The following DPP10 variants were observed in gnomAD, a reference collection of about 807,000 sequenced individuals.
The protein encoded by DPP10 is inactive dipeptidyl peptidase 10.
In DPP10, 33 loss-of-function variants were observed where a neutral mutation model predicts 120.9. The ratio of observed to expected loss-of-function variants is 0.27; its 90% CI spans 0.21 to 0.37. DPP10 has a LOEUF of 0.37. DPP10 is among the 10% of genes least tolerant of loss of function. The pLI is 1.00. For missense variants in DPP10, 816 were observed against 942.8 expected, an observed-to-expected ratio of 0.87 and a Z score of 1.76; for synonymous variants, 337 against 326.1, an observed-to-expected ratio of 1.03 and a Z score of -0.36.
chr2:115,344,732 C>A (rs2063626628), intron 3 of DPP10, among the ~76,000 whole-genome samples: 2 of 151,988 alleles, frequency 1.3e-5, no homozygotes, highest in South Asian at 4.2e-4. Context: ...GTTTTTTAAT[C>A]CTTTGAATGT....
rs1326452157 is a variant in DPP10, at chr2:115,617,894, A to G, written c.442-71793A>G. 2.0e-5 allele frequency among the ~76,000 whole-genome samples: 3 copies of G among 152,188 alleles called. No individual in the cohort carries two copies. The East Asian group carries it at 5.8e-4, about 29-fold the overall frequency. ...TCACAATAACTAATAATAAAATAGA[A>G]CTATTGTAACAATATACTGTAATAA... On this transcript the variant is annotated intron_variant, in intron 5 of 25. Coordinates refer to ENST00000410059, the MANE Select transcript of DPP10 (RefSeq NM_020868.6).
At chr2:114,776,852 T>G (rs1248825913) in intron 1 of DPP10, among the ~76,000 whole-genome samples, 2 of 151,958 alleles carry the variant, frequency 1.3e-5, no homozygotes, top group Non-Finnish European at 2.9e-5. Context: ...GCAGTGTGAG[T>G]TTTGAAAAGG....
intron 12 of DPP10, among the ~76,000 whole-genome samples, chr2:115,766,236 A>C (rs1402149909): frequency 1.3e-5 from 2 of 149,898 alleles, no homozygotes; most frequent in Non-Finnish European, 3.0e-5. Context: ...CTCATAATTG[A>C]TGAATAGATG....
chr2:114,612,553 G>A (rs1391982363), intron 1 of DPP10, among the ~76,000 whole-genome samples: 3 of 147,524 alleles, frequency 2.0e-5, no homozygotes, highest in Admixed American at 2.0e-4. Flanking sequence ...TACATGGTCA[G>A]ATGACTGGAG....
intron 1 of DPP10, among the ~76,000 whole-genome samples, chr2:115,146,889 T>C (rs1041005897): frequency 2.0e-5 from 3 of 152,130 alleles, no homozygotes; most frequent in East Asian, 1.9e-4. Context: ...AGACTCCAAA[T>C]GTGCCAGAGA....
At chr2:115,629,264 T>C (rs192458685) in intron 5 of DPP10, among the ~76,000 whole-genome samples, 6 of 152,226 alleles carry the variant, frequency 3.9e-5, no homozygotes, top group East Asian at 3.9e-4. Flanking sequence ...CGAATAGTGC[T>C]GCAATAAACA....
intron 1 of DPP10, among the ~76,000 whole-genome samples, chr2:115,146,873 C>G (rs540832837): frequency 2.2e-4 from 33 of 152,240 alleles, no homozygotes; most frequent in Admixed American, 5.2e-4. Flanking sequence ...AAAGTGGACC[C>G]TCGCCAGACT....
intron 3 of DPP10, among the ~76,000 whole-genome samples, chr2:115,418,503 G>A (rs1468391510): frequency 6.6e-6 from 1 of 152,094 alleles, no homozygotes; most frequent in Admixed American, 6.5e-5. Flanking sequence ...AGGTACATTG[G>A]CTCACATCTG....
chr2:115,440,772 C>T (rs1423126334), intron 3 of DPP10: 2 of 152,210 alleles, frequency 1.3e-5, no homozygotes, highest in African/African-American at 4.8e-5. Flanking sequence ...AGGTGCAAGG[C>T]TCTAAATCTT....
chr2:115,474,079 A>G (rs1037015428), intron 3 of DPP10, among the ~76,000 whole-genome samples: 2 of 152,196 alleles, frequency 1.3e-5, no homozygotes, highest in Non-Finnish European at 2.9e-5. Context: ...TCCTGTCAAT[A>G]TCTAACAATC....
At chr2:114,462,713 C>G (rs911711635) in intron 1 of DPP10, among the ~76,000 whole-genome samples, 2 of 152,186 alleles carry the variant, frequency 1.3e-5, no homozygotes, top group East Asian at 3.9e-4. Flanking sequence ...CCCCCTGCTT[C>G]GCACACCATA....
intron 1 of DPP10, among the ~76,000 whole-genome samples, chr2:114,987,897 G>A (rs1055872604): frequency 6.9e-6 from 1 of 144,598 alleles, no homozygotes; most frequent in Admixed American, 7.3e-5. Context: ...TCCGCCTCCC[G>A]GGTTCACACC....
chr2:114,946,867 A>G (rs1478756958), intron 1 of DPP10, among the ~76,000 whole-genome samples: 1 of 152,030 alleles, frequency 6.6e-6, no homozygotes, highest in African/African-American at 2.4e-5. Context: ...AATTGGCATT[A>G]TTCTTCCTTT....
chr2:115,783,745 G>A (rs1175569905), intron 17 of DPP10, among the ~76,000 whole-genome samples: 6 of 151,948 alleles, frequency 3.9e-5, no homozygotes, highest in South Asian at 2.1e-4. Context: ...TAGACAGTAC[G>A]GTTGATAAAA....
At chr2:115,761,780 C>T (rs1680139269) in intron 11 of DPP10, among the ~76,000 whole-genome samples, 1 of 151,786 alleles carries the variant, frequency 6.6e-6, no homozygotes, top group Non-Finnish European at 1.5e-5. Flanking sequence ...TATTTAAAAA[C>T]ATATAAATAA....
At chr2:114,490,485 TGA>T (rs1439751216) in intron 1 of DPP10, among the ~76,000 whole-genome samples, 2 of 134,170 alleles carry the variant, frequency 1.5e-5, no homozygotes, top group Non-Finnish European at 3.3e-5. Context: ...AAAGGGCCCT[TGA>T]GAGGGCTCCC....
At chr2:115,340,355 G>A (rs1211738412) in intron 2 of DPP10, among the ~76,000 whole-genome samples, 1 of 151,818 alleles carries the variant, frequency 6.6e-6, no homozygotes, top group African/African-American at 2.4e-5. Context: ...CAATTGGAAG[G>A]GCAAAGGACT....
chr2:115,746,312 C>T (rs1677965649), intron 10 of DPP10, 129 bp downstream of exon 10: 1 of 812,976 alleles, frequency 1.2e-6, no homozygotes. Flanking sequence ...AAGTTGCCTA[C>T]ATTAGTGAGG....
At chr2:115,086,459 T>C (rs1708707006) in intron 1 of DPP10, among the ~76,000 whole-genome samples, 1 of 147,316 alleles carries the variant, frequency 6.8e-6, no homozygotes, top group Non-Finnish European at 1.5e-5. Flanking sequence ...TTTCTTTTTT[T>C]TTTTTTTTTT....
Sources: allele counts gnomAD v4.1 joint callset (sites outside exome capture counted in the v4.1 genomes callset), GRCh38; gene constraint gnomAD v4.1.1; transcripts MANE v1.5; gene names NCBI Gene and HGNC (gene_info 2026-07-23, HGNC 2026-07-21).